The following CYP2C18 variants were observed in gnomAD, a reference collection of about 807,000 sequenced individuals.
CYP2C18 encodes cytochrome P450 2C18.
In CYP2C18, 38 loss-of-function variants were observed where a neutral mutation model predicts 41.3. The ratio of observed to expected loss-of-function variants is 0.92; its 90% CI spans 0.71 to 1.21. The LOEUF (loss-of-function observed/expected upper bound fraction) is 1.21. CYP2C18 is among the 50% of genes most tolerant of loss of function. The probability of loss-of-function intolerance (pLI) is 0.00; values close to 1 mark genes in which losing one functional copy is unlikely to be tolerated. For missense variants in CYP2C18, 635 were observed against 591.4 expected (o/e 1.07, Z -0.77); for synonymous variants, 236 against 210.0 (o/e 1.12, Z -1.07).
At chr10:94,685,952 A>C (rs1846880019) in intron 1 of CYP2C18, among the ~76,000 whole-genome samples, 1 of 152,014 alleles carries the variant, frequency 6.6e-6, no homozygotes, top group Non-Finnish European at 1.5e-5. Flanking sequence ...TTTGATAGGG[A>C]TTGCACTGAA....
At chr10:94,714,768 A>ATTTTC (rs1847508881) in intron 5 of CYP2C18, among the ~76,000 whole-genome samples, 1 of 152,026 alleles carries the variant, frequency 6.6e-6, no homozygotes, top group Non-Finnish European at 1.5e-5. Flanking sequence ...TTACCTTGGG[A>ATTTTC]AGTATGGCCA....
At chr10:94,719,897 G>A (rs1200322398) in intron 5 of CYP2C18, among the ~76,000 whole-genome samples, 1 of 151,334 alleles carries the variant, frequency 6.6e-6, no homozygotes, top group Non-Finnish European at 1.5e-5. Flanking sequence ...TTTTTTTAGA[G>A]ACAGGGGGTC....
chr10:94,708,212 G>C (rs933251858), intron 5 of CYP2C18, among the ~76,000 whole-genome samples: 3 of 152,184 alleles, frequency 2.0e-5, no homozygotes, highest in Non-Finnish European at 4.4e-5. Context: ...ATGTGTTCTA[G>C]ATGGAGTGAA....
chr10:94,693,838 T>G (rs963911543), intron 3 of CYP2C18, among the ~76,000 whole-genome samples: 3 of 152,192 alleles, frequency 2.0e-5, no homozygotes, highest in Non-Finnish European at 2.9e-5. Flanking sequence ...CATTGATGAT[T>G]TGATTATAAC....
intron 4 of CYP2C18, among the ~76,000 whole-genome samples, chr10:94,695,929 TG>T (rs1236666929): frequency 3.3e-5 from 5 of 151,994 alleles, no homozygotes; most frequent in Non-Finnish European, 5.9e-5. Flanking sequence ...GCAATGAGGC[TG>T]GGGGAGGGGG....
intron 4 of CYP2C18, among the ~76,000 whole-genome samples, chr10:94,704,847 C>A (rs1383789635): frequency 3.9e-5 from 6 of 152,160 alleles, no homozygotes; most frequent in African/African-American, 1.2e-4. Context: ...TAACTATAAT[C>A]GTTTGCCCTA....
intron 3 of CYP2C18, among the ~76,000 whole-genome samples, chr10:94,693,571 C>G (rs1847055445): frequency 6.6e-6 from 1 of 152,172 alleles, no homozygotes; most frequent in Admixed American, 6.5e-5. Flanking sequence ...TATGCATGCA[C>G]AAACACACTT....
intron 4 of CYP2C18, among the ~76,000 whole-genome samples, chr10:94,703,729 T>A (rs898642750): frequency 1.3e-5 from 2 of 152,106 alleles, no homozygotes; most frequent in Non-Finnish European, 2.9e-5. Flanking sequence ...CAGCCCCCTT[T>A]CCAGGGGAGT....
intron 5 of CYP2C18, 43 bp from the exon 6 acceptor site, chr10:94,720,352 GC>G: frequency 6.6e-7 from 1 of 1,517,920 alleles, no homozygotes; most frequent in Non-Finnish European, 8.9e-7. Flanking sequence ...AATTTAATAT[GC>G]TGGCAAACTA....
At chr10:94,709,815 G>A (rs934881834) in intron 5 of CYP2C18, among the ~76,000 whole-genome samples, 17 of 151,716 alleles carry the variant, frequency 1.1e-4, no homozygotes, top group Non-Finnish European at 2.5e-4. Flanking sequence ...TTCTTTGCAT[G>A]TGCATTCAGT....
intron 3 of CYP2C18, among the ~76,000 whole-genome samples, chr10:94,694,666 G>A (rs1421760624): frequency 2.6e-5 from 4 of 152,070 alleles, no homozygotes; most frequent in African/African-American, 9.7e-5. Context: ...GGTCAGAATT[G>A]TGTAAAGAAA....
At chr10:94,685,857 T>A (rs1277532835) in intron 1 of CYP2C18, among the ~76,000 whole-genome samples, 1 of 152,086 alleles carries the variant, frequency 6.6e-6, no homozygotes, top group East Asian at 1.9e-4. Context: ...TTTTGATTAA[T>A]TTGCTTTAGT....
intron 6 of CYP2C18, among the ~76,000 whole-genome samples, chr10:94,723,718 G>A (rs575928769): frequency 2.6e-5 from 4 of 152,146 alleles, no homozygotes; most frequent in African/African-American, 9.6e-5. Context: ...ATTTGTTATG[G>A]GGTGATGATG....
intron 5 of CYP2C18, among the ~76,000 whole-genome samples, chr10:94,711,292 G>A (rs767646776): frequency 1.3e-5 from 2 of 151,708 alleles, no homozygotes; most frequent in Non-Finnish European, 1.5e-5. Flanking sequence ...ATAATGGCTG[G>A]CCCCATCTTG....
chr10:94,694,973 T>C lies in CYP2C18; in HGVS notation c.538T>C (p.Ser180Pro). The C allele has an allele frequency of 6.2e-7, 1 of 1,613,352 alleles. No homozygotes were observed. The highest frequency in any genetic ancestry group is 8.5e-7 in the Non-Finnish European group (1 of 1,179,904). ...LGCAPCNVIC[S>P]VIFHDRFDYK... is the part of the protein sequence containing the mutation. ...CTGTGCTCCCTGCAATGTGATCTGC[T>C]CTGTTATTTTCCATGATCGATTTGA... Residue 180 changes from serine (S) to proline (P), a missense_variant, in exon 4 of 9, where the codon TCT (serine) becomes CCT (proline). Transcript: ENST00000285979.
chr10:94,712,902 C>T (rs1440450689), intron 5 of CYP2C18, among the ~76,000 whole-genome samples: 1 of 152,070 alleles, frequency 6.6e-6, no homozygotes, highest in Non-Finnish European at 1.5e-5. Flanking sequence ...GGTGATAGCT[C>T]ATTGTGTTTT....
chr10:94,691,385 A>G (rs779464153), intron 3 of CYP2C18, among the ~76,000 whole-genome samples: 1 of 152,200 alleles, frequency 6.6e-6, no homozygotes, highest in Non-Finnish European at 1.5e-5. Flanking sequence ...AATAGCAGAC[A>G]AACAGAGAGC....
At chr10:94,704,601 T>C (rs1215273969) in intron 4 of CYP2C18, among the ~76,000 whole-genome samples, 1 of 152,078 alleles carries the variant, frequency 6.6e-6, no homozygotes, top group Admixed American at 6.6e-5. Flanking sequence ...TCTTTCAGAT[T>C]GGCTGGAGCA....
intron 5 of CYP2C18, among the ~76,000 whole-genome samples, chr10:94,714,545 G>T (rs574511957): frequency 3.1e-4 from 47 of 152,008 alleles, no homozygotes; most frequent in Admixed American, 6.6e-4. Context: ...ATATCTCTGT[G>T]TCAGTACCAG....
Sources: allele counts gnomAD v4.1 joint callset (sites outside exome capture counted in the v4.1 genomes callset), GRCh38; gene constraint gnomAD v4.1.1; transcripts MANE v1.5; gene names NCBI Gene and HGNC (gene_info 2026-07-23, HGNC 2026-07-21).